Variants in ADCY7 observed in about 807,000 individuals in gnomAD.
The protein encoded by ADCY7 is adenylate cyclase type 7.
In ADCY7, 72 loss-of-function variants were observed where a neutral mutation model predicts 120.6. The ratio of observed to expected loss-of-function variants is 0.60; its 90% CI spans 0.49 to 0.73. The LOEUF (loss-of-function observed/expected upper bound fraction) is 0.73. ADCY7 is among the 30% of genes least tolerant of loss of function. ADCY7 has a pLI of 0.00. For synonymous variants in ADCY7, 661 were observed against 628.0 expected, an observed-to-expected ratio of 1.05 and a Z score of -0.78; for missense variants, 1,227 against 1,486.0, an observed-to-expected ratio of 0.83 and a Z score of 2.87.
At chr16:50,293,209 G>C in intron 5 of ADCY7, 145 bp from the exon 6 acceptor site, 2 of 887,584 alleles carry the variant, frequency 2.3e-6, no homozygotes, top group Non-Finnish European at 3.4e-6. Context: ...CAGAGATGGG[G>C]ACATTGTGGG....
intron 11 of ADCY7, 77 bp from the exon 12 acceptor site, chr16:50,304,848 T>C: frequency 1.3e-6 from 2 of 1,593,524 alleles, no homozygotes; most frequent in Non-Finnish European, 1.7e-6. Context: ...CCGGAGGGGC[T>C]GAACCTGGCC....
intron 19 of ADCY7, 87 bp downstream of exon 19, chr16:50,310,967 C>G (rs1039248204): frequency 7.4e-7 from 1 of 1,355,510 alleles, no homozygotes; most frequent in Non-Finnish European, 9.9e-7. Flanking sequence ...CTTCTGTGTT[C>G]ATGGGGAGTG....
chr16:50,310,880 G>T lies in ADCY7; in HGVS notation c.2354G>T (p.Ser785Ile), dbSNP rs371172795. 1.9e-5 allele frequency: 30 copies of T among 1,597,414 alleles called. No individual in the cohort carries two copies. The highest frequency in any genetic ancestry group is 2.5e-5 in the Non-Finnish European group (29 of 1,173,092). The change falls in exon 19 of 26, where the codon AGT becomes ATT. Residue 785 changes from serine (S) to isoleucine (I), a missense_variant and splice_region_variant. This residue lies in a region of ADCY7 where 267 missense variants were observed against 270.0 expected (regional missense o/e 0.99). Coordinates refer to ENST00000673801, the MANE Select transcript of ADCY7 (RefSeq NM_001114.5). ...GNLTKPNGTT[S>I]GTPSCSWKDL... ...CTCACCAAGCCCAACGGCACCACCA[G>T]GTGGGGTCCCGCCCGTCCCCGTCCC...
intron 1 of ADCY7, among the ~76,000 whole-genome samples, chr16:50,255,744 G>A (rs915849456): frequency 3.9e-5 from 6 of 152,092 alleles, no homozygotes; most frequent in East Asian, 1.9e-4. Flanking sequence ...TGCCTGCCTC[G>A]GCCTCCCAAA....
In ADCY7 at chr16:50,293,445, G is replaced by C. The variant is rs201627898; in HGVS notation, c.779G>C (p.Arg260Pro). The C allele has an allele frequency of 5.0e-5, 81 of 1,613,896 alleles. No individual in the cohort carries two copies. The highest frequency in any genetic ancestry group is 6.7e-5 in the Non-Finnish European group (79 of 1,180,032). The change falls in exon 6 of 26, where the codon CGC (arginine) becomes CCC (proline). Residue 260 changes from arginine to proline, a missense_variant. Arg to Pro is a moderately radical substitution (Grantham distance 103). Around this residue, in one of 5 missense-constraint regions of ADCY7, gnomAD observed 382 missense variants for 411.4 expected, o/e 0.93. Coordinates refer to ENST00000673801, the MANE Select transcript of ADCY7 (RefSeq NM_001114.5). ...IERLKEHGDR[R>P]CMPDNNFHSL... Reference sequence around the variant, plus strand: ...CGGCTCAAGGAGCATGGTGACCGTCGCTGCATGCCTGACAACAACTTCCAC... The same window carrying C: ...CGGCTCAAGGAGCATGGTGACCGTCCCTGCATGCCTGACAACAACTTCCAC...
At chr16:50,309,044 C>A in intron 17 of ADCY7, 1 of 433,118 alleles carries the variant, frequency 2.3e-6, no homozygotes, top group Non-Finnish European at 4.1e-6. Flanking sequence ...CACATCCTGA[C>A]ATCCCATTCA....
intron 2 of ADCY7, 84 bp downstream of exon 2, chr16:50,288,434 T>C: frequency 1.5e-6 from 2 of 1,332,660 alleles, no homozygotes. Flanking sequence ...TTCTGTAAAA[T>C]GCTTATCTTC....
Position 50,260,357 on chromosome 16 carries a change from A to G in ADCY7, c.-64+14154A>G, listed in dbSNP as rs1245696454. On this transcript the variant is annotated intron_variant, in intron 1 of 4. Transcript: ENST00000564044. ...TCAGGTTCTTTGAGCTGCAAGTACC[A>G]GAAACCCACTGTAACCAAAGGGAAA... Among the ~76,000 whole-genome samples, 3 of 152,206 alleles carry G rather than the reference A, an allele frequency of 2.0e-5. No homozygotes were observed. In the East Asian group the frequency reaches 5.8e-4, roughly 29 times the overall value.
intron 7 of ADCY7, among the ~76,000 whole-genome samples, chr16:50,298,337 G>A (rs945551849): frequency 6.6e-6 from 1 of 152,116 alleles, no homozygotes; most frequent in African/African-American, 2.4e-5. Context: ...GCAGAGACTG[G>A]CATGGCCGGC....
At chr16:50,285,914 A>G (rs939416513) in intron 1 of ADCY7, among the ~76,000 whole-genome samples, 3 of 151,768 alleles carry the variant, frequency 2.0e-5, no homozygotes, top group Non-Finnish European at 4.4e-5. Flanking sequence ...TTTGGAATCA[A>G]TGAATATGCT....
At chr16:50,258,395 T>C in intron 1 of ADCY7, among the ~76,000 whole-genome samples, 1 of 152,174 alleles carries the variant, frequency 6.6e-6, no homozygotes, top group Non-Finnish European at 1.5e-5. Context: ...GAGAGCTTCC[T>C]ATAATGTGTA....
rs1234199406 is a variant in ADCY7, at chr16:50,315,096, G to A, written c.3054G>A (p.Val1018=). 6.2e-7 allele frequency: 1 copy of A among 1,614,222 alleles called. No homozygotes were observed. Among genetic ancestry groups the A allele is most frequent in the Non-Finnish European group, 8.5e-7 (1 of 1,180,048 alleles). ...ACATCTGGGGAAACACTGTCAATGT[G>A]GCCAGCCGAATGGAAAGCACTGGAG... ...QYDIWGNTVN[V]ASRMESTGEL... The change falls in exon 25 of 26, where the codon GTG becomes GTA. Residue 1018 remains valine, a synonymous_variant. Transcript: ENST00000673801.
upstream of ADCY7, among the ~76,000 whole-genome samples, chr16:50,266,246 G>A (rs1380276048): frequency 6.6e-6 from 1 of 152,226 alleles, no homozygotes; most frequent in African/African-American, 2.4e-5. Context: ...TGCTCACTAA[G>A]GATGCATTTG....
chr16:50,276,151 G>A (rs2033875722), intron 1 of ADCY7, among the ~76,000 whole-genome samples: 1 of 152,240 alleles, frequency 6.6e-6, no homozygotes, highest in African/African-American at 2.4e-5. Context: ...GACCTGGGTT[G>A]GGTGGGACGG....
At chr16:50,287,843 T>G (rs2034679399) in intron 1 of ADCY7, 69 bp from the exon 2 acceptor site, 1 of 293,788 alleles carries the variant, frequency 3.4e-6, no homozygotes, top group African/African-American at 2.2e-5. Context: ...TGGGCCCCGC[T>G]CTCCCTGATG....
At chr16:50,294,080 G>A (rs1003643726) in intron 6 of ADCY7, among the ~76,000 whole-genome samples, 3 of 152,216 alleles carry the variant, frequency 2.0e-5, no homozygotes, top group Non-Finnish European at 4.4e-5. Context: ...TCTCTGGGCT[G>A]TGGATGGTCC....
At chr16:50,258,578 A>G (rs1266606282) in intron 1 of ADCY7, among the ~76,000 whole-genome samples, 4 of 149,326 alleles carry the variant, frequency 2.7e-5, no homozygotes, top group African/African-American at 9.9e-5. Context: ...ATTGATATTC[A>G]ATGACTTTAA....
chr16:50,309,095 G>A (rs1053976033), intron 17 of ADCY7: 1 of 358,482 alleles, frequency 2.8e-6, no homozygotes, highest in Non-Finnish European at 5.1e-6. Flanking sequence ...CCCTCTCAGG[G>A]ATGAACCCTT....
chr16:50,300,649 A>G, intron 8 of ADCY7, 66 bp from the exon 9 acceptor site: 5 of 1,531,294 alleles, frequency 3.3e-6, no homozygotes, highest in South Asian at 2.4e-5. Context: ...CCCACCCCAC[A>G]CCTGGGAGCT....
Sources: gnomAD v4.1 joint callset for allele counts (sites outside exome capture counted in the v4.1 genomes callset) on GRCh38, gnomAD v4.1.1 for gene constraint, gnomAD v4.1.1 regional missense constraint, MANE v1.5 for transcripts, NCBI Gene and HGNC (gene_info 2026-07-23, HGNC 2026-07-21) for gene names.